UGT1A6: variants seen among roughly 807,000 people sequenced by gnomAD.
UGT1A6 encodes UDP glucuronosyltransferase family 1 member A6.
In UGT1A6, 32 loss-of-function variants were observed where a neutral mutation model predicts 44.4. The observed-to-expected ratio is 0.72, with a 90% CI of 0.54 to 0.97. The LOEUF (loss-of-function observed/expected upper bound fraction) is 0.97. Ranked by LOEUF, UGT1A6 falls within the 50% of genes least tolerant of loss-of-function variation. The pLI, the probability that UGT1A6 is intolerant of heterozygous loss-of-function variation, is 0.00. For synonymous variants in UGT1A6, 238 were observed against 248.5 expected (o/e 0.96, Z 0.40); for missense variants, 685 against 661.9 (o/e 1.03, Z -0.38).
At chr2:233,696,391 G>A (rs898217771) in intron 1 of UGT1A6, among the ~76,000 whole-genome samples, 1 of 151,986 alleles carries the variant, frequency 6.6e-6, no homozygotes, top group Non-Finnish European at 1.5e-5. Context: ...TTCTTTGTAC[G>A]TTTTGTAAAT....
rs1042640 is a variant in UGT1A6 at position 233,772,898 on chromosome 2, G to T, written c.*339G>T. 1 of 456,718 alleles carries T rather than the reference G, an allele frequency of 2.2e-6. No individual in the cohort carries two copies. The highest frequency in any genetic ancestry group is 5.9e-5 in the East Asian group (1 of 16,920). The allele number at this position is 456,718 out of a possible 1,614,324, so 28.3% of individuals were successfully genotyped here. Reference sequence around the variant, plus strand: ...GTGCGGGATTCAAAGGTGGTCCCACGGCTGCCCCTACTGCAAATGGCAGTT... The same window carrying T: ...GTGCGGGATTCAAAGGTGGTCCCACTGCTGCCCCTACTGCAAATGGCAGTT... On this transcript the variant is annotated 3_prime_UTR_variant, in exon 5 of 5. Coordinates refer to ENST00000305139, the MANE Select transcript of UGT1A6 (RefSeq NM_001072.4).
chr2:233,767,204 A>G, intron 2 of UGT1A6, 39 bp downstream of exon 2: 1 of 1,613,356 alleles, frequency 6.2e-7, no homozygotes, highest in Non-Finnish European at 8.5e-7. Flanking sequence ...ATCTATTTTC[A>G]CAGGAGCGCT....
intron 1 of UGT1A6, among the ~76,000 whole-genome samples, chr2:233,727,281 G>A (rs1431266686): frequency 6.6e-6 from 1 of 152,122 alleles, no homozygotes; most frequent in Non-Finnish European, 1.5e-5. Flanking sequence ...CCAGACCCTG[G>A]AAGCTGATGA....
intron 1 of UGT1A6, among the ~76,000 whole-genome samples, chr2:233,730,198 G>A (rs544900257): frequency 2.0e-5 from 3 of 152,306 alleles, no homozygotes; most frequent in South Asian, 4.2e-4. Context: ...CTGAGAGGAA[G>A]AGGAAGTAGA....
At chr2:233,747,535 A>C in intron 1 of UGT1A6, 1 of 1,605,190 alleles carries the variant, frequency 6.2e-7, no homozygotes. Flanking sequence ...CATTTTCTGA[A>C]GACATTTTCT....
rs541889262 is a variant in UGT1A6 at position 233,732,819 on chromosome 2, A to T, written c.862-34215A>T. 7.3e-4 allele frequency among the ~76,000 whole-genome samples: 110 copies of T among 150,442 alleles called. 1 individual carries two copies. The highest frequency in any genetic ancestry group is 2.7e-3 in the African/African-American group (109 of 40,796). On this transcript the variant is annotated intron_variant, in intron 1 of 4. Coordinates refer to ENST00000305139, the MANE Select transcript of UGT1A6 (RefSeq NM_001072.4). The stretch of plus-strand genomic sequence containing the variant: ...CAGGCTCTTTTTTGATTCCATATGA[A>T]CTTTAAAGTAGTTTTTTCCAATTTT...
intron 1 of UGT1A6, among the ~76,000 whole-genome samples, chr2:233,759,283 A>C (rs562983605): frequency 1.3e-5 from 2 of 152,282 alleles, no homozygotes; most frequent in East Asian, 3.9e-4. Flanking sequence ...TGATTGGTTG[A>C]TGAAGCTGAG....
At chr2:233,720,101 A>G (rs12468356) in intron 1 of UGT1A6, among the ~76,000 whole-genome samples, 12,183 of 152,260 alleles carry the variant, frequency 0.08, 621 homozygotes, top group East Asian at 0.2. Flanking sequence ...TAGTGGTCCC[A>G]TCTTGCGAAA....
In UGT1A6 at chr2:233,736,220, T is replaced by C. The variant is rs542508391; in HGVS notation, c.862-30814T>C. On this transcript the variant is annotated intron_variant, in intron 1 of 4. Coordinates refer to ENST00000305139, the MANE Select transcript of UGT1A6 (RefSeq NM_001072.4). ...GGCTTTCCTTGTTTCTTTTTACTCT[T>C]TTTTCTCTAACCTTGTCTTCTCACT... is the stretch of plus-strand genomic sequence containing the variant. Among the ~76,000 whole-genome samples the C allele has an allele frequency of 2.6e-5, 4 of 152,348 alleles. No homozygotes were observed. The East Asian group carries it at 7.7e-4, about 29-fold the overall frequency.
intron 1 of UGT1A6, among the ~76,000 whole-genome samples, chr2:233,704,961 C>T (rs1307195227): frequency 2.0e-5 from 3 of 152,020 alleles, no homozygotes; most frequent in Non-Finnish European, 2.9e-5. Flanking sequence ...CATGGTGAAA[C>T]CCCATCTCTA....
intron 1 of UGT1A6, chr2:233,717,648 A>G (rs1403190472): frequency 5.0e-6 from 2 of 403,070 alleles, no homozygotes; most frequent in Non-Finnish European, 1.0e-5. Flanking sequence ...GGCGACCAGG[A>G]CAAGGAAGCA....
At chr2:233,725,311 C>A (rs57258852) in intron 1 of UGT1A6, among the ~76,000 whole-genome samples, 1 of 47,288 alleles carries the variant, frequency 2.1e-5, no homozygotes, top group Non-Finnish European at 3.9e-5. Flanking sequence ...GAGGCAGAGG[C>A]AGAGGCGCCT....
chr2:233,748,482 T>G (rs1174810693), intron 1 of UGT1A6, among the ~76,000 whole-genome samples: 1 of 151,838 alleles, frequency 6.6e-6, no homozygotes, highest in African/African-American at 2.4e-5. Flanking sequence ...AAATTACAAT[T>G]GTTAATGTGA....
At chr2:233,706,143 A>ACC (rs2075890975) in intron 1 of UGT1A6, among the ~76,000 whole-genome samples, 1 of 152,234 alleles carries the variant, frequency 6.6e-6, no homozygotes, top group African/African-American at 2.4e-5. Context: ...TATTAAACAA[A>ACC]GCATGAGAAC....
intron 1 of UGT1A6, among the ~76,000 whole-genome samples, chr2:233,709,576 A>C (rs180747204): frequency 4.7e-4 from 71 of 152,336 alleles, no homozygotes; most frequent in Admixed American, 1.4e-3. Context: ...TAAAATTCAA[A>C]AAATATACCA....
chr2:233,757,188 C>CT (rs910058978), intron 1 of UGT1A6, among the ~76,000 whole-genome samples: 3 of 150,488 alleles, frequency 2.0e-5, no homozygotes, highest in African/African-American at 7.4e-5. Flanking sequence ...GCAGAGGACT[C>CT]TGAATTTTCT....
chr2:233,755,236 G>A (rs1242283792), intron 1 of UGT1A6: 7 of 905,796 alleles, frequency 7.7e-6, no homozygotes, highest in East Asian at 5.0e-5. Context: ...GAGGCCTACC[G>A]GGGTACTCCC....
At chr2:233,730,735 G>A (rs1037091205) in intron 1 of UGT1A6, among the ~76,000 whole-genome samples, 2 of 152,096 alleles carry the variant, frequency 1.3e-5, no homozygotes, top group African/African-American at 2.4e-5. Flanking sequence ...ATGGCGGAAG[G>A]GGCTAGGGAG....
chr2:233,750,101 C>T (rs1348616691), intron 1 of UGT1A6, among the ~76,000 whole-genome samples: 1 of 151,822 alleles, frequency 6.6e-6, no homozygotes, highest in Non-Finnish European at 1.5e-5. Flanking sequence ...TTGGAGAGCT[C>T]AGAAGAAGAC....
Sources: gnomAD v4.1 joint callset for allele counts (sites outside exome capture counted in the v4.1 genomes callset) on GRCh38, gnomAD v4.1.1 for gene constraint, MANE v1.5 for transcripts, NCBI Gene and HGNC (gene_info 2026-07-23, HGNC 2026-07-21) for gene names.